RALGAPA2: variants seen among roughly 807,000 people sequenced by gnomAD.
The protein encoded by RALGAPA2 is Ral GTPase activating protein catalytic subunit alpha 2.
A neutral mutation model predicts 230.4 loss-of-function variants in RALGAPA2; 139 were observed. The ratio of observed to expected loss-of-function variants is 0.60; its 90% CI spans 0.53 to 0.69. The LOEUF (loss-of-function observed/expected upper bound fraction) is 0.69, where lower values mean the gene tolerates loss of function less well. RALGAPA2 is among the 30% of genes least tolerant of loss of function. The probability of loss-of-function intolerance (pLI) is 0.00; values close to 1 mark genes in which losing one functional copy is unlikely to be tolerated. For synonymous variants in RALGAPA2, 847 were observed against 837.8 expected, an observed-to-expected ratio of 1.01 and a Z score of -0.19; for missense variants, 2,163 against 2,276.0, an observed-to-expected ratio of 0.95 and a Z score of 1.01.
chr20:20,515,628 CAT>C (rs1463546045), intron 31 of RALGAPA2, among the ~76,000 whole-genome samples: 1 of 152,158 alleles, frequency 6.6e-6, no homozygotes, highest in African/African-American at 2.4e-5. Flanking sequence ...TGATGAGAAA[CAT>C]AAAAGTAGAA....
intron 30 of RALGAPA2, among the ~76,000 whole-genome samples, chr20:20,521,436 C>T (rs1380960740): frequency 6.6e-6 from 1 of 152,038 alleles, no homozygotes; most frequent in African/African-American, 2.4e-5. Context: ...AGTGGTGGGA[C>T]AGGCCAATCA....
At chr20:20,635,763 G>A in intron 8 of RALGAPA2, 146 bp from the exon 9 acceptor site, 1 of 647,100 alleles carries the variant, frequency 1.5e-6, no homozygotes, top group Non-Finnish European at 2.5e-6. Context: ...ATTTAAAATG[G>A]CATTTTTTTG....
chr20:20,536,095 T>C (rs768295685), intron 25 of RALGAPA2, among the ~76,000 whole-genome samples: 1 of 152,248 alleles, frequency 6.6e-6, no homozygotes, highest in Non-Finnish European at 1.5e-5. Flanking sequence ...TTTCTTTTAC[T>C]TCAATTGAAT....
intron 23 of RALGAPA2, among the ~76,000 whole-genome samples, chr20:20,566,856 C>T (rs960747376): frequency 5.9e-5 from 9 of 152,186 alleles, no homozygotes; most frequent in African/African-American, 1.9e-4. Flanking sequence ...TAACTTTATG[C>T]TGTTATGATC....
At chr20:20,420,950 G>C (rs563949331) in intron 37 of RALGAPA2, among the ~76,000 whole-genome samples, 8 of 152,196 alleles carry the variant, frequency 5.3e-5, no homozygotes, top group Non-Finnish European at 1.2e-4. Context: ...TATAGAGGAT[G>C]CACAAGAAAA....
chr20:20,683,936 CTAATGTAACTTCTGAGCACACT>C (rs1486502461), intron 1 of RALGAPA2, among the ~76,000 whole-genome samples: 3 of 152,300 alleles, frequency 2.0e-5, no homozygotes, highest in South Asian at 2.1e-4. Flanking sequence ...AGATTTTGCT[CTAATGTAACTTCTGAGCACACT>C]TAATGTAACT....
chr20:20,630,595 T>C (rs2066640575), intron 9 of RALGAPA2, among the ~76,000 whole-genome samples: 1 of 152,210 alleles, frequency 6.6e-6, no homozygotes, highest in African/African-American at 2.4e-5. Context: ...CCTATGGAAA[T>C]TATTTTATCT....
intron 37 of RALGAPA2, among the ~76,000 whole-genome samples, chr20:20,454,480 A>G (rs775995601): frequency 6.6e-6 from 1 of 152,212 alleles, no homozygotes; most frequent in Non-Finnish European, 1.5e-5. Context: ...TGTCTCCCAC[A>G]TATTTGCTTT....
chr20:20,631,754 CACA>C (rs1476121900), intron 9 of RALGAPA2, among the ~76,000 whole-genome samples: 3 of 152,194 alleles, frequency 2.0e-5, no homozygotes, highest in Non-Finnish European at 4.4e-5. Flanking sequence ...AAGAAACTAA[CACA>C]ACAACTTACT....
chr20:20,581,903 A>G (rs1602927157), intron 20 of RALGAPA2, among the ~76,000 whole-genome samples: 1 of 152,136 alleles, frequency 6.6e-6, no homozygotes, highest in Admixed American at 6.5e-5. Flanking sequence ...TGGCATTTTA[A>G]TAACACTCTT....
chr20:20,498,800 T>C (rs1247865692), intron 35 of RALGAPA2, among the ~76,000 whole-genome samples: 1 of 152,222 alleles, frequency 6.6e-6, no homozygotes, highest in Non-Finnish European at 1.5e-5. Context: ...CTGGCCAGCC[T>C]GAGGCTATAA....
rs768984821 is a variant in RALGAPA2 at position 20,579,372 on chromosome 20, C to A, written c.2707+3678G>T. 1.0e-3 allele frequency among the ~76,000 whole-genome samples: 154 copies of A among 152,280 alleles called. 1 individual carries two copies. Among genetic ancestry groups the A allele is most frequent in the Non-Finnish European group, 1.7e-3 (118 of 68,022 alleles). On this transcript the variant is annotated intron_variant, in intron 20 of 39. Transcript: ENST00000202677. The stretch of plus-strand genomic sequence containing the variant: ...TGTGCACATAGCAGACAACAGGCGT[C>A]CCCCTCCTGGAGTCTGCATTCCAGT...
Position 20,512,224 on chromosome 20 carries a change from T to TACACACACAC in RALGAPA2, c.4856+279_4856+288dup, listed in dbSNP as rs1257439741. ...AACAAACAACAACAACAACCCCCCC[T>TACACACACAC]ACACACACACACACATACACACACA... On this transcript the variant is annotated intron_variant, in intron 32 of 39. Coordinates refer to ENST00000202677, the MANE Select transcript of RALGAPA2 (RefSeq NM_020343.4). 7.0e-3 allele frequency among the ~76,000 whole-genome samples: 959 copies of TACACACACAC among 137,738 alleles called. 10 individuals carry two copies. The highest frequency in any genetic ancestry group is 0.041 in the East Asian group (193 of 4,762). 90.4% of individuals were successfully genotyped at this position (137,738 alleles called of 152,430 possible).
intron 37 of RALGAPA2, 136 bp downstream of exon 37, chr20:20,472,693 G>T: frequency 1.2e-6 from 1 of 834,808 alleles, no homozygotes; most frequent in Non-Finnish European, 1.7e-6. Flanking sequence ...AAACCACTAT[G>T]TTATTTTTAA....
At chr20:20,636,540 G>A (rs528376486) in intron 8 of RALGAPA2, among the ~76,000 whole-genome samples, 2,456 of 9,782 alleles carry the variant, frequency 0.25, 77 homozygotes, top group East Asian at 0.51. Context: ...TTCTCTCCCC[G>A]TGTGTGTGTG....
intron 23 of RALGAPA2, among the ~76,000 whole-genome samples, chr20:20,553,661 A>G (rs938242132): frequency 1.3e-5 from 2 of 152,218 alleles, no homozygotes; most frequent in African/African-American, 4.8e-5. Flanking sequence ...AGGGAATGGG[A>G]AACATGCAAC....
chr20:20,691,266 T>C (rs974980537), intron 1 of RALGAPA2, among the ~76,000 whole-genome samples: 2 of 152,042 alleles, frequency 1.3e-5, no homozygotes, highest in African/African-American at 4.8e-5. Context: ...GCCCCTCAAG[T>C]CCTCACTTCC....
chr20:20,530,397 A>C (rs2063336691), intron 27 of RALGAPA2, among the ~76,000 whole-genome samples: 1 of 152,208 alleles, frequency 6.6e-6, no homozygotes, highest in South Asian at 2.1e-4. Context: ...CCCATAATAC[A>C]ACCACCACCC....
intron 27 of RALGAPA2, among the ~76,000 whole-genome samples, chr20:20,529,485 A>C (rs1460380637): frequency 1.3e-5 from 2 of 152,224 alleles, no homozygotes; most frequent in Non-Finnish European, 2.9e-5. Context: ...ATATATATAC[A>C]GTCATGTACC....
Sources: gnomAD v4.1 joint callset for allele counts (sites outside exome capture counted in the v4.1 genomes callset) on GRCh38, gnomAD v4.1.1 for gene constraint, MANE v1.5 for transcripts, NCBI Gene and HGNC (gene_info 2026-07-23, HGNC 2026-07-21) for gene names.